Variants in GRIN2B observed in about 807,000 individuals in gnomAD.
GRIN2B encodes glutamate receptor ionotropic, NMDA 2B.
GRIN2B carries 5 observed loss-of-function variants against 114.5 expected under a neutral mutation model. The ratio of observed to expected loss-of-function variants is 0.04; its 90% CI spans 0.02 to 0.09. GRIN2B has a LOEUF of 0.09. GRIN2B is among the 10% of genes least tolerant of loss of function. The pLI is 1.00. For synonymous variants in GRIN2B, 787 were observed against 745.1 expected (o/e 1.06, Z -0.92); for missense variants, 1,108 against 1,943.5 (o/e 0.57, Z 8.08).
chr12:13,575,405 T>A (rs563221713), intron 10 of GRIN2B, among the ~76,000 whole-genome samples: 2 of 152,322 alleles, frequency 1.3e-5, no homozygotes, highest in African/African-American at 4.8e-5. Flanking sequence ...ACGCCTGTAA[T>A]CCCAGCACTT....
chr12:13,968,324 G>A (rs576136737), intron 2 of GRIN2B, among the ~76,000 whole-genome samples: 1 of 152,174 alleles, frequency 6.6e-6, no homozygotes, highest in African/African-American at 2.4e-5. Flanking sequence ...TGTATATTAC[G>A]CTTATGGTTG....
rs143325410 is a variant in GRIN2B, at chr12:13,718,076, T to C, written c.1010+35241A>G. Among the ~76,000 whole-genome samples the C allele has an allele frequency of 6.6e-4, 101 of 152,194 alleles. 1 individual carries two copies. Among genetic ancestry groups the C allele is most frequent in the African/African-American group, 2.4e-3 (98 of 41,550 alleles). ...CATCTCCTTATGGAAAGGAAGTCTT[T>C]GCCTCTCACAGACATGATTATGTTT... On this transcript the variant is annotated intron_variant, in intron 4 of 13. Coordinates refer to ENST00000609686, the MANE Select transcript of GRIN2B (RefSeq NM_000834.5).
intron 2 of GRIN2B, among the ~76,000 whole-genome samples, chr12:13,944,913 A>T (rs747204819): frequency 2.0e-5 from 3 of 152,166 alleles, no homozygotes; most frequent in Non-Finnish European, 4.4e-5. Flanking sequence ...TGATTCAGTT[A>T]TCTATTTTCT....
intron 5 of GRIN2B, among the ~76,000 whole-genome samples, chr12:13,631,659 C>T (rs1274410612): frequency 6.6e-6 from 1 of 152,152 alleles, no homozygotes; most frequent in Non-Finnish European, 1.5e-5. Context: ...TGCCTGTGGT[C>T]ACATAATTAA....
intron 5 of GRIN2B, among the ~76,000 whole-genome samples, chr12:13,634,620 G>C (rs1949649918): frequency 1.3e-5 from 2 of 152,094 alleles, no homozygotes; most frequent in South Asian, 4.1e-4. Flanking sequence ...TTGGCTACGG[G>C]TCCATCACAT....
chr12:13,893,983 A>G (rs1866311086), intron 2 of GRIN2B, among the ~76,000 whole-genome samples: 1 of 152,106 alleles, frequency 6.6e-6, no homozygotes, highest in Non-Finnish European at 1.5e-5. Context: ...ATTGTCCGAT[A>G]TTACTCATAA....
At chr12:13,768,568 G>C (rs1863843683) in intron 3 of GRIN2B, among the ~76,000 whole-genome samples, 1 of 152,248 alleles carries the variant, frequency 6.6e-6, no homozygotes, top group Non-Finnish European at 1.5e-5. Flanking sequence ...ATATGTCCTT[G>C]AGGAAGACCC....
At chr12:13,907,831 T>C (rs765033945) in intron 2 of GRIN2B, among the ~76,000 whole-genome samples, 4 of 152,150 alleles carry the variant, frequency 2.6e-5, no homozygotes, top group Non-Finnish European at 5.9e-5. Context: ...ACATGGCAAA[T>C]TACAGATTTA....
At chr12:13,596,310 G>C (rs1775977156) in intron 10 of GRIN2B, among the ~76,000 whole-genome samples, 1 of 152,208 alleles carries the variant, frequency 6.6e-6, no homozygotes, top group Non-Finnish European at 1.5e-5. Flanking sequence ...ACTTTACTCA[G>C]AAAACTGTGG....
chr12:13,916,735 ATTTG>A (rs1177533792), intron 2 of GRIN2B, among the ~76,000 whole-genome samples: 7 of 101,928 alleles, frequency 6.9e-5, no homozygotes, highest in African/African-American at 1.7e-4. Context: ...ACACACACAC[ATTTG>A]TGTGTGTGTG....
chr12:13,733,626 C>T (rs965209699), intron 4 of GRIN2B, among the ~76,000 whole-genome samples: 2 of 152,088 alleles, frequency 1.3e-5, no homozygotes, highest in Non-Finnish European at 2.9e-5. Context: ...AAGAGGTAGG[C>T]TTGCGTAGAG....
At chr12:13,856,467 T>C (rs1347909637) in intron 3 of GRIN2B, among the ~76,000 whole-genome samples, 1 of 152,132 alleles carries the variant, frequency 6.6e-6, no homozygotes, top group Non-Finnish European at 1.5e-5. Flanking sequence ...CTTGGGTCAC[T>C]GCAGCGTGTA....
intron 3 of GRIN2B, among the ~76,000 whole-genome samples, chr12:13,772,799 C>A (rs1405812149): frequency 6.6e-6 from 1 of 152,044 alleles, no homozygotes; most frequent in African/African-American, 2.4e-5. Context: ...ACAAATCAAC[C>A]AATTTCTAAA....
At chr12:13,756,888 G>T (rs1315132890) in intron 3 of GRIN2B, among the ~76,000 whole-genome samples, 1 of 152,092 alleles carries the variant, frequency 6.6e-6, no homozygotes, top group Non-Finnish European at 1.5e-5. Flanking sequence ...CCTCTGTTAG[G>T]CTTCTCTTAA....
At chr12:13,674,670 A>G (rs951804482) in intron 5 of GRIN2B, among the ~76,000 whole-genome samples, 4 of 152,150 alleles carry the variant, frequency 2.6e-5, no homozygotes, top group Admixed American at 6.6e-5. Context: ...TAACATTTTG[A>G]AGCCCATTCT....
chr12:13,567,907 G>C (rs1240338429), intron 12 of GRIN2B, among the ~76,000 whole-genome samples: 6 of 152,140 alleles, frequency 3.9e-5, no homozygotes, highest in East Asian at 1.9e-4. Context: ...ATTATAGACA[G>C]TGGGGAATAA....
chr12:13,581,391 G>A (rs192803720), intron 10 of GRIN2B, among the ~76,000 whole-genome samples: 1 of 152,302 alleles, frequency 6.6e-6, no homozygotes, highest in East Asian at 1.9e-4. Flanking sequence ...ATATGTATGT[G>A]TGATTCCAGA....
intron 3 of GRIN2B, among the ~76,000 whole-genome samples, chr12:13,826,426 A>G (rs1865036587): frequency 6.6e-6 from 1 of 152,146 alleles, no homozygotes; most frequent in Admixed American, 6.6e-5. Context: ...AGCCGAGATC[A>G]TGCTATTGCA....
chr12:13,777,312 C>T (rs902780639), intron 3 of GRIN2B, among the ~76,000 whole-genome samples: 2 of 152,130 alleles, frequency 1.3e-5, no homozygotes, highest in Non-Finnish European at 2.9e-5. Flanking sequence ...CAAGAGTGAT[C>T]ACCTGGCCAA....
Sources: gnomAD v4.1 joint callset for allele counts (sites outside exome capture counted in the v4.1 genomes callset) on GRCh38, gnomAD v4.1.1 for gene constraint, MANE v1.5 for transcripts, NCBI Gene and HGNC (gene_info 2026-07-23, HGNC 2026-07-21) for gene names.